The following AFG2A variants were observed in gnomAD, a reference collection of about 807,000 sequenced individuals.
The protein encoded by AFG2A is AAA ATPase AFG2A.
chr4:123,214,198 G>A, the AFG2A span, among the ~76,000 whole-genome samples: 1,283 of 152,104 alleles, frequency 8.4e-3, 23 homozygotes, highest in African/African-American at 0.029. Flanking sequence ...GTATTCTTGG[G>A]CATTTTGATG....
At chr4:122,968,773 T>C in the AFG2A span, among the ~76,000 whole-genome samples, 1 of 152,200 alleles carries the variant, frequency 6.6e-6, no homozygotes, top group Admixed American at 6.5e-5. Flanking sequence ...CCAATTTACC[T>C]TTCTACCTGT....
At chr4:122,927,250 G>C in the AFG2A span, among the ~76,000 whole-genome samples, 1 of 152,158 alleles carries the variant, frequency 6.6e-6, no homozygotes, top group Non-Finnish European at 1.5e-5. Context: ...TAATCCTCTA[G>C]AGCCAGATAG....
the AFG2A span, among the ~76,000 whole-genome samples, chr4:123,001,276 T>G: frequency 6.6e-6 from 1 of 152,390 alleles, no homozygotes; most frequent in East Asian, 1.9e-4. Context: ...ATTAATGTTT[T>G]GAAGGGTTTT....
the AFG2A span, among the ~76,000 whole-genome samples, chr4:123,128,758 A>G: frequency 2.0e-5 from 3 of 152,136 alleles, no homozygotes; most frequent in African/African-American, 7.2e-5. Flanking sequence ...TTGACAAAAC[A>G]GACATCACAG....
the AFG2A span, chr4:123,028,551 G>C: frequency 1.6e-6 from 1 of 619,160 alleles, no homozygotes; most frequent in African/African-American, 1.9e-5. Context: ...ATAGGGAGAT[G>C]AGTGATAAGA....
At chr4:123,288,253 G>T in the AFG2A span, among the ~76,000 whole-genome samples, 4 of 152,056 alleles carry the variant, frequency 2.6e-5, no homozygotes, top group Non-Finnish European at 4.4e-5. Flanking sequence ...GTTGCTAATG[G>T]GAATGAAAGC....
the AFG2A span, among the ~76,000 whole-genome samples, chr4:122,957,967 C>G: frequency 6.6e-6 from 1 of 152,128 alleles, no homozygotes; most frequent in Non-Finnish European, 1.5e-5. Flanking sequence ...ATCTAGGAGA[C>G]ATAATTATTA....
chr4:123,267,357 C>T, the AFG2A span, among the ~76,000 whole-genome samples: 3 of 151,904 alleles, frequency 2.0e-5, no homozygotes, highest in African/African-American at 7.2e-5. Context: ...TAGCTCACTC[C>T]CTATTTACTA....
the AFG2A span, among the ~76,000 whole-genome samples, chr4:123,063,923 C>T: frequency 6.6e-6 from 1 of 152,136 alleles, no homozygotes; most frequent in Non-Finnish European, 1.5e-5. Flanking sequence ...AGCCATGAAG[C>T]AGAGGATTGC....
At chr4:122,943,501 C>T in the AFG2A span, among the ~76,000 whole-genome samples, 4 of 152,160 alleles carry the variant, frequency 2.6e-5, no homozygotes, top group Admixed American at 2.0e-4. Context: ...GATCTCCCTC[C>T]ATCCTTTTAT....
the AFG2A span, among the ~76,000 whole-genome samples, chr4:123,152,641 C>T: frequency 6.6e-6 from 1 of 152,250 alleles, no homozygotes; most frequent in Admixed American, 6.5e-5. Flanking sequence ...GCATCAAGAA[C>T]TTTCATTCAC....
At chr4:123,239,867 T>C in the AFG2A span, among the ~76,000 whole-genome samples, 1 of 152,162 alleles carries the variant, frequency 6.6e-6, no homozygotes, top group African/African-American at 2.4e-5. Flanking sequence ...ATGCTCCAAT[T>C]AAAAGACACA....
chr4:122,937,211 T>G, the AFG2A span, among the ~76,000 whole-genome samples: 1 of 152,080 alleles, frequency 6.6e-6, no homozygotes. Flanking sequence ...AGTGACGTTA[T>G]GTTTGACCAA....
the AFG2A span, chr4:123,316,576 A>G: frequency 6.6e-6 from 1 of 152,248 alleles, no homozygotes; most frequent in Non-Finnish European, 1.5e-5. Context: ...TAAGGGCACA[A>G]GAAAATAAGA....
At chr4:123,106,605 C>G in the AFG2A span, among the ~76,000 whole-genome samples, 2 of 152,224 alleles carry the variant, frequency 1.3e-5, no homozygotes, top group Admixed American at 1.3e-4. Flanking sequence ...CCTGCTTCTC[C>G]GCTCTTTTAC....
the AFG2A span, among the ~76,000 whole-genome samples, chr4:123,097,098 T>A: frequency 6.6e-6 from 1 of 152,050 alleles, no homozygotes; most frequent in South Asian, 2.1e-4. Context: ...GCCTCCCAAG[T>A]AGCTAAGATT....
chr4:123,187,330 G>C, the AFG2A span, among the ~76,000 whole-genome samples: 1 of 152,080 alleles, frequency 6.6e-6, no homozygotes, highest in Non-Finnish European at 1.5e-5. Flanking sequence ...TGAATCTTTA[G>C]TTGTTCCCTA....
chr4:123,233,708 T>C, the AFG2A span, among the ~76,000 whole-genome samples: 1 of 150,552 alleles, frequency 6.6e-6, no homozygotes, highest in African/African-American at 2.5e-5. Flanking sequence ...TGCATTTTCA[T>C]ACATGGGTGT....
the AFG2A span, among the ~76,000 whole-genome samples, chr4:123,092,817 C>G: frequency 2.0e-5 from 3 of 152,138 alleles, no homozygotes; most frequent in Non-Finnish European, 2.9e-5. Context: ...ACTCCCAGCT[C>G]CTAGAGACTA....
Sources: gnomAD v4.1 joint callset for allele counts (sites outside exome capture counted in the v4.1 genomes callset) on GRCh38, gnomAD v4.1.1 for gene constraint, MANE v1.5 for transcripts, NCBI Gene and HGNC (gene_info 2026-07-23, HGNC 2026-07-21) for gene names.